FER: variants seen among roughly 807,000 people sequenced by gnomAD.
The protein encoded by FER is tyrosine-protein kinase Fer.
A neutral mutation model predicts 111.0 loss-of-function variants in FER; 63 were observed. The observed-to-expected ratio is 0.57, with a 90% confidence interval of 0.46 to 0.70. FER has a LOEUF of 0.70. Ranked by LOEUF, FER falls within the 30% of genes least tolerant of loss-of-function variation. The probability of loss-of-function intolerance (pLI) is 0.00; values close to 1 mark genes in which losing one functional copy is unlikely to be tolerated. For missense variants in FER, 914 were observed against 954.0 expected (o/e 0.96, Z 0.55); for synonymous variants, 327 against 313.9 (o/e 1.04, Z -0.44).
At chr5:109,115,040 A>G (rs1435717464) in intron 17 of FER, among the ~76,000 whole-genome samples, 5 of 152,062 alleles carry the variant, frequency 3.3e-5, no homozygotes, top group African/African-American at 1.2e-4. Context: ...AGAAGCCAGT[A>G]GATATTTTGT....
intron 3 of FER, among the ~76,000 whole-genome samples, chr5:108,832,070 A>C (rs149129586): frequency 2.0e-5 from 3 of 152,038 alleles, no homozygotes; most frequent in Non-Finnish European, 2.9e-5. Context: ...ACCTACAATT[A>C]TGTGCCTCTT....
chr5:108,802,346 A>G (rs192036119), intron 3 of FER, among the ~76,000 whole-genome samples: 2 of 152,278 alleles, frequency 1.3e-5, no homozygotes, highest in Admixed American at 1.3e-4. Context: ...TACATTTTAA[A>G]TTGTTAAAAA....
At chr5:108,968,905 A>C (rs6884648) in intron 13 of FER, among the ~76,000 whole-genome samples, 22,710 of 152,048 alleles carry the variant, frequency 0.15, 2,307 homozygotes, top group African/African-American at 0.29. Context: ...GAAAATAGAA[A>C]TACAAATGAT....
At chr5:109,112,891 G>A (rs1749794948) in intron 17 of FER, among the ~76,000 whole-genome samples, 1 of 152,088 alleles carries the variant, frequency 6.6e-6, no homozygotes, top group East Asian at 1.9e-4. Context: ...CTGAAGAAGA[G>A]TAGACAGCTT....
intron 16 of FER, among the ~76,000 whole-genome samples, chr5:109,099,322 G>A (rs557261690): frequency 4.6e-5 from 7 of 151,458 alleles, no homozygotes; most frequent in African/African-American, 1.7e-4. Context: ...TTAAAATGTG[G>A]CTAGTGCTTC....
Position 109,186,215 on chromosome 5 carries a change from A to C in FER, c.2219A>C (p.Glu740Ala). 1 of 1,614,090 alleles carries C rather than the reference A, an allele frequency of 6.2e-7. No individual in the cohort carries two copies. Among genetic ancestry groups the C allele is most frequent in the Non-Finnish European group, 8.5e-7 (1 of 1,179,964 alleles). Residue 740 changes from glutamate (E) to alanine (A), a missense_variant, in exon 19 of 20, where the codon GAG becomes GCG. By Grantham distance (107) the Glu-to-Ala change is moderately radical. Around this residue, in one of 3 missense-constraint regions of FER, gnomAD observed 134 missense variants for 149.4 expected, o/e 0.90. Coordinates refer to ENST00000281092, the MANE Select transcript of FER (RefSeq NM_005246.4). Reference sequence around the variant, plus strand: ...CCTCTTCCAGGGAGATACAGTTCAGAGAGTGACGTGTGGAGCTTTGGCATC... The same window carrying C: ...CCTCTTCCAGGGAGATACAGTTCAGCGAGTGACGTGTGGAGCTTTGGCATC... ...EALNYGRYSS[E>A]SDVWSFGILL... is the part of the protein sequence containing the mutation.
intron 10 of FER, among the ~76,000 whole-genome samples, chr5:108,945,283 C>T (rs545515776): frequency 6.6e-6 from 1 of 152,226 alleles, no homozygotes; most frequent in East Asian, 1.9e-4. Context: ...GGAAAATTGA[C>T]CAATACTTCC....
intron 9 of FER, among the ~76,000 whole-genome samples, chr5:108,896,028 C>A (rs144575402): frequency 0.027 from 4,106 of 152,140 alleles, 66 homozygotes; most frequent in African/African-American, 0.047. Flanking sequence ...GTATACCTCC[C>A]TGTTGATTTT....
chr5:108,915,863 G>A (rs1287448399), intron 10 of FER, among the ~76,000 whole-genome samples: 3 of 152,094 alleles, frequency 2.0e-5, no homozygotes, highest in African/African-American at 7.2e-5. Flanking sequence ...CAAACAAAAA[G>A]GGAGTAGGAA....
Position 108,959,107 on chromosome 5 carries a change from A to G in FER, c.1534-118A>G, listed in dbSNP as rs573176593. 1.3e-4 allele frequency: 117 copies of G among 935,722 alleles called. 1 individual carries two copies. In the East Asian group the frequency reaches 3.0e-3, roughly 24 times the overall value. 58.0% of individuals were successfully genotyped at this position (935,722 alleles called of 1,614,324 possible). ...AGGGTATAGTTCAGTAGTGTTAAGT[A>G]TATTCACATTGTTGTGCAATTATAG... On this transcript the variant is annotated intron_variant, in intron 12 of 19. Transcript: ENST00000281092.
chr5:108,919,693 G>C (rs897443713), intron 10 of FER, among the ~76,000 whole-genome samples: 1 of 152,122 alleles, frequency 6.6e-6, no homozygotes, highest in Non-Finnish European at 1.5e-5. Context: ...AAGAGATTAA[G>C]GAACTTTATC....
chr5:108,991,446 A>G lies in FER; in HGVS notation c.1656+32099A>G, dbSNP rs879308288. On this transcript the variant is annotated intron_variant, in intron 13 of 19. Coordinates refer to ENST00000281092, the MANE Select transcript of FER (RefSeq NM_005246.4). ...ATTACTGAAAATTATTAATTTGTTT[A>G]TCCATATGTAAGGTTTTATAATTTA... Among the ~76,000 whole-genome samples, 5 of 152,128 alleles carry G rather than the reference A, an allele frequency of 3.3e-5. No individual in the cohort carries two copies. The East Asian group carries it at 9.6e-4, about 29-fold the overall frequency.
At chr5:109,104,919 G>GTAAA (rs1305525103) in intron 17 of FER, among the ~76,000 whole-genome samples, 1 of 151,418 alleles carries the variant, frequency 6.6e-6, no homozygotes, top group Non-Finnish European at 1.5e-5. Context: ...ATTTTTTTGT[G>GTAAA]TTTTTAGTAG....
chr5:109,077,014 C>G (rs1776421678), intron 16 of FER, among the ~76,000 whole-genome samples: 1 of 152,224 alleles, frequency 6.6e-6, no homozygotes, highest in African/African-American at 2.4e-5. Flanking sequence ...TCAGGCCAGT[C>G]TTCTTCACAT....
rs1207246102 is a variant in FER at position 109,189,108 on chromosome 5, G to GTCTC, written c.*1534_*1537dup. On this transcript the variant is annotated 3_prime_UTR_variant, in exon 20 of 20. Transcript: ENST00000281092. ...GGTATGCAAGCAGAGTGCTGAAGAT[G>GTCTC]TCTCATGTGAATAAAATGTAACTCA... 6.6e-6 allele frequency: 1 copy of GTCTC among 152,160 alleles called. No homozygotes were observed. Among genetic ancestry groups the GTCTC allele is most frequent in the African/African-American group, 2.4e-5 (1 of 41,428 alleles). The allele number at this position is 152,160 out of a possible 1,614,324, so 9.4% of individuals were successfully genotyped here.
At chr5:108,794,836 G>A (rs1755830993) in intron 2 of FER, among the ~76,000 whole-genome samples, 1 of 151,882 alleles carries the variant, frequency 6.6e-6, no homozygotes, top group South Asian at 2.1e-4. Flanking sequence ...TTGACCTTTG[G>A]GAGTTTGATT....
chr5:108,778,240 A>G (rs1298828389), intron 2 of FER, among the ~76,000 whole-genome samples: 1 of 152,210 alleles, frequency 6.6e-6, no homozygotes, highest in African/African-American at 2.4e-5. Flanking sequence ...GGCAATTATG[A>G]ATAAATCTGC....
At chr5:109,067,444 A>C (rs1581883442) in intron 16 of FER, among the ~76,000 whole-genome samples, 1 of 152,120 alleles carries the variant, frequency 6.6e-6, no homozygotes, top group South Asian at 2.1e-4. Context: ...TTATCCTTCC[A>C]GAGCTTTTTT....
chr5:108,906,734 T>C (rs1455383779), intron 10 of FER, among the ~76,000 whole-genome samples: 1 of 152,014 alleles, frequency 6.6e-6, no homozygotes, highest in South Asian at 2.1e-4. Flanking sequence ...AGTACAATTA[T>C]ATCTTAAGAT....
Sources: allele counts gnomAD v4.1 joint callset (sites outside exome capture counted in the v4.1 genomes callset), GRCh38; gene constraint gnomAD v4.1.1; regional missense constraint gnomAD v4.1.1; transcripts MANE v1.5; gene names NCBI Gene and HGNC (gene_info 2026-07-23, HGNC 2026-07-21).